Variants in PLEKHG4B observed in about 807,000 individuals in gnomAD.
PLEKHG4B encodes the protein pleckstrin homology domain-containing family G member 4B.
PLEKHG4B carries 111 observed loss-of-function variants against 121.3 expected under a neutral mutation model. The observed-to-expected ratio is 0.92, with a 90% CI of 0.78 to 1.07. PLEKHG4B has a LOEUF of 1.07. Ranked by LOEUF, PLEKHG4B falls within the 50% of genes least tolerant of loss-of-function variation. The pLI is 0.00. For synonymous variants in PLEKHG4B, 738 were observed against 725.0 expected, an observed-to-expected ratio of 1.02 and a Z score of -0.29; for missense variants, 1,831 against 1,757.8, an observed-to-expected ratio of 1.04 and a Z score of -0.74.
At position 162,787 on chromosome 5, in the gene PLEKHG4B, G is replaced by A; in HGVS notation, c.2715G>A (p.Leu905=). ...CCTCCTCACCCGTGGCTGAGTGTTTGAGGAGCTGTCACCAGGAGGCTACCT... is the reference window on the plus strand; with the variant it reads ...CCTCCTCACCCGTGGCTGAGTGTTTAAGGAGCTGTCACCAGGAGGCTACCT... ...ACPSSPVAEC[L]RSCHQEATSV... is the part of the protein sequence containing the mutation. The change falls in exon 13 of 20, where the codon TTG becomes TTA. Residue 905 remains leucine (L), a synonymous_variant. Coordinates refer to ENST00000637938, the MANE Select transcript of PLEKHG4B (RefSeq NM_052909.5). The A allele has an allele frequency of 6.7e-7, 1 of 1,490,244 alleles. No homozygotes were observed. The highest frequency in any genetic ancestry group is 8.9e-7 in the Non-Finnish European group (1 of 1,122,100). 92.3% of individuals were successfully genotyped at this position (1,490,244 alleles called of 1,614,324 possible). A position where few individuals can be genotyped will look rare whatever the true frequency, so the allele number is the denominator to read the frequency against.
At position 183,966 on chromosome 5, in the gene PLEKHG4B, C is replaced by T. The variant is rs1253215264; in HGVS notation, c.*1643C>T. On this transcript the variant is annotated 3_prime_UTR_variant, in exon 20 of 20. Coordinates refer to ENST00000637938, the MANE Select transcript of PLEKHG4B (RefSeq NM_052909.5). ...AATAGGAGATAGCTAGATATATATA[C>T]AGACAGATAGATAGATAGATAGATC... 3 of 131,544 alleles carry T rather than the reference C, an allele frequency of 2.3e-5. No homozygotes were observed. Among genetic ancestry groups the T allele is most frequent in the South Asian group, 2.6e-4 (1 of 3,908 alleles). 8.1% of individuals were successfully genotyped at this position (131,544 alleles called of 1,614,324 possible).
chr5:139,569 C>T lies in PLEKHG4B; in HGVS notation c.330C>T (p.His110=), dbSNP rs1272463686. ...TGGTGGTGCAGCTGGCGTCCCTGCACGGAGTCAGGCTCCAGCCCGGGGACT... is the reference window on the plus strand; with the variant it reads ...TGGTGGTGCAGCTGGCGTCCCTGCATGGAGTCAGGCTCCAGCCCGGGGACT... ...EKVVVQLASL[H]GVRLQPGDFY... is the part of the protein sequence containing the mutation. The change falls in exon 3 of 20, where the codon CAC becomes CAT. Residue 110 remains histidine (H), a synonymous_variant. Coordinates refer to ENST00000637938, the MANE Select transcript of PLEKHG4B (RefSeq NM_052909.5). The surrounding 1 kb of genome is among the most constrained non-coding windows in gnomAD (Gnocchi z 5.0). 7 of 398,990 alleles carry T rather than the reference C, an allele frequency of 1.8e-5. No individual in the cohort carries two copies. The highest frequency in any genetic ancestry group is 6.3e-4 in the Middle Eastern group (1 of 1,588). 24.7% of individuals were successfully genotyped at this position (398,990 alleles called of 1,614,324 possible). A position where few individuals can be genotyped will look rare whatever the true frequency, so the allele number is the denominator to read the frequency against.
At chr5:121,078 C>A (rs892374508) in intron 2 of PLEKHG4B, among the ~76,000 whole-genome samples, 1 of 151,860 alleles carries the variant, frequency 6.6e-6, no homozygotes, top group African/African-American at 2.4e-5. Context: ...AACTCCATCT[C>A]TACTAAAAAT....
chr5:169,677 T>A, intron 14 of PLEKHG4B, 85 bp downstream of exon 14: 3 of 1,558,966 alleles, frequency 1.9e-6, no homozygotes, highest in Non-Finnish European at 2.6e-6. Flanking sequence ...GGCCCACGTG[T>A]CAGGCGGTTG....
At chr5:152,468 C>T (rs1735638816) in intron 7 of PLEKHG4B, among the ~76,000 whole-genome samples, 1 of 152,096 alleles carries the variant, frequency 6.6e-6, no homozygotes, top group African/African-American at 2.4e-5. Context: ...ACCTTGGCCT[C>T]CCAAAGCTCT....
In PLEKHG4B at chr5:183,991, C is replaced by CGATCGATCGATCGATAGATAGATA. The variant is rs1292159443; in HGVS notation, c.*1671_*1672insCGATCGATCGATAGATAGATAGAT. ...CAGACAGATAGATAGATAGATAGAT[C>CGATCGATCGATCGATAGATAGATA]GATAGATAGATAGATAGATAGATAG... is the stretch of plus-strand genomic sequence containing the variant. On this transcript the variant is annotated 3_prime_UTR_variant, in exon 20 of 20. Transcript: ENST00000637938. 9.6e-6 allele frequency: 1 copy of CGATCGATCGATCGATAGATAGATA among 104,614 alleles called. No individual in the cohort carries two copies. The highest frequency in any genetic ancestry group is 2.9e-5 in the African/African-American group (1 of 34,128). 6.5% of individuals were successfully genotyped at this position (104,614 alleles called of 1,614,324 possible). A position where few individuals can be genotyped will look rare whatever the true frequency, so the allele number is the denominator to read the frequency against.
At chr5:97,487 C>T (rs1037599578) in intron 1 of PLEKHG4B, among the ~76,000 whole-genome samples, 3 of 152,260 alleles carry the variant, frequency 2.0e-5, no homozygotes, top group Non-Finnish European at 2.9e-5. Context: ...GGCAACTCAT[C>T]TGCTTTCTGT....
chr5:124,074 A>G (rs1281272899), intron 2 of PLEKHG4B, among the ~76,000 whole-genome samples: 4 of 152,090 alleles, frequency 2.6e-5, no homozygotes, highest in African/African-American at 9.7e-5. Flanking sequence ...TTTCACTTCA[A>G]ACATTTTCTC....
At chr5:172,774 A>G in intron 16 of PLEKHG4B, 123 bp from the exon 17 acceptor site, 1 of 1,079,254 alleles carries the variant, frequency 9.3e-7, no homozygotes, top group South Asian at 1.4e-5. Flanking sequence ...GCCAGATTTT[A>G]TGGCAGTTTG....
intron 1 of PLEKHG4B, among the ~76,000 whole-genome samples, chr5:104,062 A>C (rs1436137568): frequency 1.4e-5 from 2 of 145,922 alleles, no homozygotes; most frequent in Non-Finnish European, 3.0e-5. Context: ...TTCCTAAACA[A>C]CCTCAGCCAG....
At chr5:103,378 G>T (rs1212296334) in intron 1 of PLEKHG4B, among the ~76,000 whole-genome samples, 3 of 152,078 alleles carry the variant, frequency 2.0e-5, no homozygotes, top group African/African-American at 7.2e-5. Flanking sequence ...TGAGGAGGGG[G>T]TATAGTGACC....
chr5:180,919 G>A (rs1479797897), intron 18 of PLEKHG4B, among the ~76,000 whole-genome samples: 2 of 152,166 alleles, frequency 1.3e-5, no homozygotes, highest in East Asian at 1.9e-4. Flanking sequence ...ACTTCTTCCC[G>A]TTCTCCCAAG....
At position 181,675 on chromosome 5, in the gene PLEKHG4B, G is replaced by A; in HGVS notation, c.4564G>A (p.Glu1522Lys). 1 of 1,611,784 alleles carries A rather than the reference G, an allele frequency of 6.2e-7. No individual in the cohort carries two copies. Among genetic ancestry groups the A allele is most frequent in the Non-Finnish European group, 8.5e-7 (1 of 1,178,866 alleles). ...RVPDSIVKGT[E>K]SQMRGSTAVS... is the part of the protein sequence containing the mutation. Reference sequence around the variant, plus strand: ...CCCCGACAGCATCGTCAAGGGCACAGGTACGGTGGCTCGGTCCCGCCCTCA... The same window carrying A: ...CCCCGACAGCATCGTCAAGGGCACAAGTACGGTGGCTCGGTCCCGCCCTCA... The change falls in exon 19 of 20, where the codon GAG becomes AAG. Residue 1522 changes from glutamate to lysine, a missense_variant and splice_region_variant. Transcript: ENST00000637938.
chr5:173,040 C>T lies in PLEKHG4B; in HGVS notation c.4194C>T (p.Asp1398=), dbSNP rs557323325. The change falls in exon 17 of 20, where the codon GAC becomes GAT. Residue 1398 remains aspartate, a synonymous_variant. Transcript: ENST00000637938. ...SKTQKVEGSH[D]VYLYKQSFKT... is the part of the protein sequence containing the mutation. ...CCCAGAAGGTGGAGGGCAGCCACGA[C>T]GTCTACCTGTACAAGCAGTCCTTCA... 50 of 1,614,150 alleles carry T rather than the reference C, an allele frequency of 3.1e-5. No individual in the cohort carries two copies. Among genetic ancestry groups the T allele is most frequent in the South Asian group, 2.6e-4 (24 of 91,078 alleles).
At position 182,689 on chromosome 5, in the gene PLEKHG4B, G is replaced by C. The variant is rs1379927491; in HGVS notation, c.*366G>C. On this transcript the variant is annotated 3_prime_UTR_variant, in exon 20 of 20. Transcript: ENST00000637938. ...AGACAGGAAAACGGGAGGTGAGCCC[G>C]GTGATGGCCTCAGACCTCCCTCCGC... 3.8e-6 allele frequency: 1 copy of C among 261,992 alleles called. No homozygotes were observed. The highest frequency in any genetic ancestry group is 7.5e-6 in the Non-Finnish European group (1 of 134,076). 16.2% of individuals were successfully genotyped at this position (261,992 alleles called of 1,614,324 possible).
intron 1 of PLEKHG4B, among the ~76,000 whole-genome samples, chr5:99,186 A>G (rs57784841): frequency 4.0e-4 from 42 of 105,034 alleles, no homozygotes; most frequent in African/African-American, 8.0e-4. Flanking sequence ...ATATATATAT[A>G]TATATATATA....
At chr5:180,044 G>A (rs139241112) in intron 18 of PLEKHG4B, among the ~76,000 whole-genome samples, 201 of 152,196 alleles carry the variant, frequency 1.3e-3, no homozygotes, top group African/African-American at 4.2e-3. Flanking sequence ...CCTTTATCTC[G>A]TGGATGTTTA....
At chr5:121,732 TATCCAGCAAAAATAAATGTCTAC>T (rs1326558019) in intron 2 of PLEKHG4B, among the ~76,000 whole-genome samples, 3 of 152,154 alleles carry the variant, frequency 2.0e-5, no homozygotes, top group Admixed American at 2.0e-4. Context: ...AAAAATTCTA[TATCCAGCAAAAATAAATGTCTAC>T]ATCCAGCAAA....
chr5:101,639 G>T (rs1227760092), intron 1 of PLEKHG4B, among the ~76,000 whole-genome samples: 4 of 135,908 alleles, frequency 2.9e-5, no homozygotes, highest in Non-Finnish European at 4.6e-5. Flanking sequence ...ACTGTTGTGA[G>T]GTTAATCCAT....
Sources: allele counts gnomAD v4.1 joint callset (sites outside exome capture counted in the v4.1 genomes callset), GRCh38; gene constraint gnomAD v4.1.1; non-coding constraint Gnocchi (gnomAD v3.1); transcripts MANE v1.5; gene names NCBI Gene and HGNC (gene_info 2026-07-23, HGNC 2026-07-21).